The following DYNC1LI2 variants were observed in gnomAD, a reference collection of about 807,000 sequenced individuals.
DYNC1LI2 encodes the protein dynein cytoplasmic 1 light intermediate chain 2.
DYNC1LI2 carries 19 observed loss-of-function variants against 57.8 expected under a neutral mutation model. That is an observed-to-expected ratio of 0.33 (90% CI 0.23 to 0.48). The LOEUF (loss-of-function observed/expected upper bound fraction) is 0.48, where lower values mean the gene tolerates loss of function less well. DYNC1LI2 is among the 20% of genes least tolerant of loss of function. The probability of loss-of-function intolerance (pLI) is 0.99; values close to 1 mark genes in which losing one functional copy is unlikely to be tolerated. For synonymous variants in DYNC1LI2, 256 were observed against 233.4 expected (o/e 1.10, Z -0.88); for missense variants, 470 against 604.2 (o/e 0.78, Z 2.33).
At chr16:66,739,913 C>T (rs373461059) in intron 4 of DYNC1LI2, among the ~76,000 whole-genome samples, 2 of 152,160 alleles carry the variant, frequency 1.3e-5, no homozygotes, top group South Asian at 4.1e-4. Context: ...CAGCAGGGGA[C>T]ATCAGCCCAC....
chr16:66,728,361 A>G (rs997460508), intron 9 of DYNC1LI2, 119 bp from the exon 10 acceptor site: 12 of 1,190,746 alleles, frequency 1.0e-5, no homozygotes, highest in East Asian at 5.1e-5. Context: ...ACTAAGTCCT[A>G]TGTTTTATAC....
chr16:66,733,591 G>A lies in DYNC1LI2; in HGVS notation c.793+627C>T, dbSNP rs141786846. 572 of 152,858 alleles carry A rather than the reference G, an allele frequency of 3.7e-3. 3 individuals carry two copies. Among genetic ancestry groups the A allele is most frequent in the South Asian group, 6.8e-3 (33 of 4,830 alleles). The allele number at this position is 152,858 out of a possible 1,614,324, so 9.5% of individuals were successfully genotyped here. A position where few individuals can be genotyped will look rare whatever the true frequency, so the allele number is the denominator to read the frequency against. On this transcript the variant is annotated intron_variant, in intron 6 of 12. Transcript: ENST00000258198. ...GTGGTGGCTCATGCCTGTAATCCCA[G>A]CTACTTGGGAGGCTGAGGCAGGAGG...
At chr16:66,744,180 T>C (rs2017895503) in intron 3 of DYNC1LI2, among the ~76,000 whole-genome samples, 1 of 152,050 alleles carries the variant, frequency 6.6e-6, no homozygotes, top group Non-Finnish European at 1.5e-5. Context: ...GCCTTCCAAG[T>C]AGCTGGGACT....
chr16:66,724,657 C>T (rs987194454), intron 12 of DYNC1LI2: 1 of 152,134 alleles, frequency 6.6e-6, no homozygotes, highest in African/African-American at 2.4e-5. Flanking sequence ...ATAGACCCGC[C>T]CTACCTGCTT....
chr16:66,725,842 G>A lies in DYNC1LI2; in HGVS notation c.1364C>T (p.Thr455Ile). ...CCCTTCTGTACCTGACTTCTTGGCTGTGCTCTGCACCCCACCAGCACCAGG... is the reference window on the plus strand; with the variant it reads ...CCCTTCTGTACCTGACTTCTTGGCTATGCTCTGCACCCCACCAGCACCAGG... ...GSPGAGGVQS[T>I]AKKSGQKTVL... Residue 455 changes from threonine (T) to isoleucine (I), a missense_variant, in exon 12 of 13, where the codon ACA becomes ATA. Physicochemically the swap from Thr to Ile is moderately conservative, Grantham distance 89. Coordinates refer to ENST00000258198, the MANE Select transcript of DYNC1LI2 (RefSeq NM_006141.3). The A allele has an allele frequency of 1.2e-6, 2 of 1,613,782 alleles. No individual in the cohort carries two copies. The highest frequency in any genetic ancestry group is 2.2e-5 in the East Asian group (1 of 44,878).
At chr16:66,746,076 C>A (rs188849725) in intron 3 of DYNC1LI2, among the ~76,000 whole-genome samples, 4 of 152,166 alleles carry the variant, frequency 2.6e-5, no homozygotes. Flanking sequence ...GTATCTAAAT[C>A]TAGCAATACT....
intron 11 of DYNC1LI2, among the ~76,000 whole-genome samples, chr16:66,726,170 A>C (rs927385562): frequency 6.6e-6 from 1 of 152,182 alleles, no homozygotes; most frequent in Non-Finnish European, 1.5e-5. Context: ...AGCAGAATAG[A>C]TAACCTGTGC....
chr16:66,725,690 G>C, intron 12 of DYNC1LI2, 138 bp downstream of exon 12: 1 of 816,006 alleles, frequency 1.2e-6, no homozygotes, highest in Non-Finnish European at 2.0e-6. Flanking sequence ...ACGGCACACT[G>C]CTCAGTAGGA....
At chr16:66,726,275 A>G (rs1425661975) in intron 11 of DYNC1LI2, among the ~76,000 whole-genome samples, 3 of 152,264 alleles carry the variant, frequency 2.0e-5, no homozygotes, top group Non-Finnish European at 2.9e-5. Flanking sequence ...CATCCTGAAT[A>G]GAAGACACCC....
intron 11 of DYNC1LI2, among the ~76,000 whole-genome samples, chr16:66,727,239 T>C (rs1048771543): frequency 6.6e-6 from 1 of 152,002 alleles, no homozygotes; most frequent in African/African-American, 2.4e-5. Context: ...TTTTAAAAAT[T>C]AGCTGGGCAT....
intron 5 of DYNC1LI2, 80 bp downstream of exon 5, chr16:66,735,995 C>G (rs1487141734): frequency 6.5e-7 from 1 of 1,527,080 alleles, no homozygotes; most frequent in Non-Finnish European, 8.8e-7. Context: ...GGGAAAAAAA[C>G]GTCAACAGTT....
rs376435463 is a variant in DYNC1LI2, at chr16:66,751,379, G to A, written c.108-33C>T. The stretch of plus-strand genomic sequence containing the variant: ...GACAATGGCAAGAGTGGTCAGCCCC[G>A]GGCCGGGCTGGGATGGCCCGGCTCG... On this transcript the variant is annotated intron_variant, in intron 1 of 12. Transcript: ENST00000258198. The surrounding 1 kb of genome is among the most constrained non-coding windows in gnomAD (Gnocchi z 5.2). 18 of 1,605,702 alleles carry A rather than the reference G, an allele frequency of 1.1e-5. No homozygotes were observed. Among genetic ancestry groups the A allele is most frequent in the African/African-American group, 5.4e-5 (4 of 73,454 alleles).
At chr16:66,743,605 A>C (rs925155092) in intron 3 of DYNC1LI2, among the ~76,000 whole-genome samples, 1 of 151,946 alleles carries the variant, frequency 6.6e-6, no homozygotes, top group Non-Finnish European at 1.5e-5. Context: ...CTTAGCTTTC[A>C]ATAAAAACCA....
intron 3 of DYNC1LI2, 118 bp from the exon 4 acceptor site, chr16:66,742,786 C>G: frequency 8.1e-7 from 1 of 1,233,448 alleles, no homozygotes; most frequent in South Asian, 1.5e-5. Flanking sequence ...AAATAGAATG[C>G]AAAATTTGGA....
chr16:66,736,305 G>A, intron 4 of DYNC1LI2, 61 bp from the exon 5 acceptor site: 1 of 1,575,020 alleles, frequency 6.3e-7, no homozygotes, highest in Non-Finnish European at 8.7e-7. Context: ...GTTAGCTTTA[G>A]AACACTGAAA....
At chr16:66,726,563 G>C (rs2345389) in intron 11 of DYNC1LI2, among the ~76,000 whole-genome samples, 45,726 of 152,212 alleles carry the variant, frequency 0.3, 8,126 homozygotes, top group East Asian at 0.6. Context: ...GGAGACCAAG[G>C]GCGTAGGACT....
chr16:66,751,191 G>A lies in DYNC1LI2; in HGVS notation c.181+82C>T. ...CAGGCTGCGGGCAGGCGGCTGGAACGGGGAAGGCGGGGACCTGAGGGAGGG... is the reference window on the plus strand; with the variant it reads ...CAGGCTGCGGGCAGGCGGCTGGAACAGGGAAGGCGGGGACCTGAGGGAGGG... On this transcript the variant is annotated intron_variant, in intron 2 of 12. Coordinates refer to ENST00000258198, the MANE Select transcript of DYNC1LI2 (RefSeq NM_006141.3). The surrounding 1 kb of genome is among the most constrained non-coding windows in gnomAD (Gnocchi z 5.2). 3 of 1,462,756 alleles carry A rather than the reference G, an allele frequency of 2.1e-6. No homozygotes were observed. The highest frequency in any genetic ancestry group is 2.1e-5 in the Admixed American group (1 of 47,902). The allele number at this position is 1,462,756 out of a possible 1,614,324, so 90.6% of individuals were successfully genotyped here. A position where few individuals can be genotyped will look rare whatever the true frequency, so the allele number is the denominator to read the frequency against.
chr16:66,742,705 A>G (rs755116988), intron 3 of DYNC1LI2, 37 bp from the exon 4 acceptor site: 1 of 1,593,234 alleles, frequency 6.3e-7, no homozygotes, highest in Non-Finnish European at 8.6e-7. Flanking sequence ...TTACCACCTG[A>G]CAGTGACCAT....
At chr16:66,725,803 A>G in intron 12 of DYNC1LI2, 25 bp downstream of exon 12, 1 of 1,605,728 alleles carries the variant, frequency 6.2e-7, no homozygotes, top group Non-Finnish European at 8.5e-7. Flanking sequence ...CACAAGAGTC[A>G]CAAGTCTCCA....
Sources: gnomAD v4.1 joint callset for allele counts (sites outside exome capture counted in the v4.1 genomes callset) on GRCh38, gnomAD v4.1.1 for gene constraint, Gnocchi (gnomAD v3.1) non-coding constraint, MANE v1.5 for transcripts, NCBI Gene and HGNC (gene_info 2026-07-23, HGNC 2026-07-21) for gene names.